Variants in C12orf42 observed in about 807,000 individuals in gnomAD.
The protein encoded by C12orf42 is uncharacterized protein C12orf42.
C12orf42 carries 25 observed loss-of-function variants against 21.6 expected under a neutral mutation model. The observed-to-expected ratio is 1.16, with a 90% confidence interval of 0.84 to 1.62. The LOEUF (loss-of-function observed/expected upper bound fraction) is 1.62, where lower values mean the gene tolerates loss of function less well. Ranked by LOEUF, C12orf42 falls within the 40% of genes most tolerant of loss-of-function variation. The probability of loss-of-function intolerance (pLI) is 0.00; values close to 1 mark genes in which losing one functional copy is unlikely to be tolerated. For synonymous variants in C12orf42, 174 were observed against 175.0 expected (o/e 0.99, Z 0.05); for missense variants, 483 against 459.3 (o/e 1.05, Z -0.47).
chr12:103,250,363 A>G (rs1391566001), intron 10 of C12orf42, among the ~76,000 whole-genome samples: 2 of 151,962 alleles, frequency 1.3e-5, no homozygotes, highest in African/African-American at 4.8e-5. Context: ...CAGAGCTAAC[A>G]TCTTTCACCT....
the C12orf42 span, among the ~76,000 whole-genome samples, chr12:103,096,224 C>T: frequency 9.9e-5 from 15 of 152,142 alleles, no homozygotes; most frequent in African/African-American, 3.6e-4. Context: ...TATCTGATTA[C>T]AAGGTTTGTA....
the C12orf42 span, among the ~76,000 whole-genome samples, chr12:103,167,234 T>A: frequency 6.6e-6 from 1 of 152,156 alleles, no homozygotes; most frequent in African/African-American, 2.4e-5. Flanking sequence ...CCCAAGTCAG[T>A]ATCACCAAGG....
chr12:103,542,057 A>G, the C12orf42 span, among the ~76,000 whole-genome samples: 1 of 152,220 alleles, frequency 6.6e-6, no homozygotes, highest in African/African-American at 2.4e-5. Context: ...CAAAAAATTG[A>G]GACAGGCCTA....
the C12orf42 span, among the ~76,000 whole-genome samples, chr12:103,174,495 A>G: frequency 6.6e-6 from 1 of 152,140 alleles, no homozygotes. Context: ...CAGATGAGGA[A>G]GTGGAGGTAG....
intron 2 of C12orf42, among the ~76,000 whole-genome samples, chr12:103,421,629 G>T (rs2049920440): frequency 6.6e-6 from 1 of 150,518 alleles, no homozygotes; most frequent in Admixed American, 6.6e-5. Flanking sequence ...ATATCAGCAT[G>T]ATCAACTAGT....
At chr12:103,261,954 G>A (rs187572783) in intron 10 of C12orf42, among the ~76,000 whole-genome samples, 5 of 152,314 alleles carry the variant, frequency 3.3e-5, no homozygotes, top group African/African-American at 1.2e-4. Flanking sequence ...GGTTGGTGCA[G>A]AAGGGAATTA....
the C12orf42 span, among the ~76,000 whole-genome samples, chr12:103,128,557 G>T: frequency 6.6e-6 from 1 of 152,120 alleles, no homozygotes; most frequent in Non-Finnish European, 1.5e-5. Context: ...AATATTTCTT[G>T]TGTCTTACTG....
the C12orf42 span, among the ~76,000 whole-genome samples, chr12:103,183,252 T>G: frequency 0.036 from 5,406 of 152,278 alleles, 110 homozygotes; most frequent in Admixed American, 0.054. Context: ...CAGCTAATTT[T>G]TGTATTTTTA....
At chr12:103,161,377 T>C in the C12orf42 span, 1 of 149,392 alleles carries the variant, frequency 6.7e-6, no homozygotes, top group African/African-American at 2.4e-5. Flanking sequence ...TGCAAAATGC[T>C]AAAAAAAAAA....
chr12:103,152,241 G>A, the C12orf42 span, among the ~76,000 whole-genome samples: 9 of 152,298 alleles, frequency 5.9e-5, no homozygotes, highest in African/African-American at 2.2e-4. Flanking sequence ...CCTGAGCAGA[G>A]TATCCAGTTG....
At chr12:103,420,375 G>A (rs1196633875) in intron 2 of C12orf42, among the ~76,000 whole-genome samples, 5 of 152,110 alleles carry the variant, frequency 3.3e-5, no homozygotes, top group African/African-American at 1.2e-4. Context: ...ACTGCCACAT[G>A]AGGACGTGGA....
chr12:103,176,330 C>G, the C12orf42 span, among the ~76,000 whole-genome samples: 1 of 152,196 alleles, frequency 6.6e-6, no homozygotes, highest in Non-Finnish European at 1.5e-5. Context: ...TGAGTTACCA[C>G]TTTCTATCCC....
chr12:103,305,584 T>C (rs1435251341), intron 5 of C12orf42, among the ~76,000 whole-genome samples: 2 of 152,128 alleles, frequency 1.3e-5, no homozygotes, highest in Non-Finnish European at 2.9e-5. Flanking sequence ...AATTCACAAC[T>C]TCCTTGTCTG....
At chr12:103,427,497 C>T (rs1949933038) in intron 2 of C12orf42, among the ~76,000 whole-genome samples, 1 of 152,058 alleles carries the variant, frequency 6.6e-6, no homozygotes, top group Non-Finnish European at 1.5e-5. Context: ...TAGAGACCTA[C>T]AAGGAGATTT....
chr12:103,164,625 A>G, the C12orf42 span: 1 of 433,258 alleles, frequency 2.3e-6, no homozygotes. Flanking sequence ...CCATATACTT[A>G]TACTAATATT....
At chr12:103,432,587 C>T (rs1240332576) in intron 2 of C12orf42, among the ~76,000 whole-genome samples, 1 of 152,218 alleles carries the variant, frequency 6.6e-6, no homozygotes, top group East Asian at 1.9e-4. Context: ...AATGCTCTTA[C>T]TGTATGTTAT....
chr12:103,506,983 T>TTA, the C12orf42 span, among the ~76,000 whole-genome samples: 9 of 116 alleles, frequency 0.078, 2 homozygotes, highest in African/African-American at 0.36. Flanking sequence ...AATATATATA[T>TTA]TATATAAATA....
the C12orf42 span, among the ~76,000 whole-genome samples, chr12:103,157,502 G>A: frequency 6.6e-6 from 1 of 152,044 alleles, no homozygotes; most frequent in Non-Finnish European, 1.5e-5. Flanking sequence ...TTTGGCTTTC[G>A]TTGCAATTGC....
At chr12:103,483,760 T>A (rs1184313495) in intron 1 of C12orf42, among the ~76,000 whole-genome samples, 1 of 152,132 alleles carries the variant, frequency 6.6e-6, no homozygotes, top group Admixed American at 6.5e-5. Flanking sequence ...TTTGCTGCAC[T>A]CATCAACTCA....
Sources: allele counts gnomAD v4.1 joint callset (sites outside exome capture counted in the v4.1 genomes callset), GRCh38; gene constraint gnomAD v4.1.1; transcripts MANE v1.5; gene names NCBI Gene and HGNC (gene_info 2026-07-23, HGNC 2026-07-21).